LRRC8B: variants seen among roughly 807,000 people sequenced by gnomAD.
LRRC8B encodes leucine rich repeat containing 8 VRAC subunit B, also known as volume-regulated anion channel subunit LRRC8B.
A neutral mutation model predicts 58.8 loss-of-function variants in LRRC8B; 23 were observed. The ratio of observed to expected loss-of-function variants is 0.39; its 90% CI spans 0.28 to 0.55. The LOEUF (loss-of-function observed/expected upper bound fraction) is 0.55. Among genes scored for constraint, LRRC8B ranks in the 20% least tolerant of loss-of-function variants. LRRC8B has a pLI of 0.62. For synonymous variants in LRRC8B, 359 were observed against 374.1 expected, an observed-to-expected ratio of 0.96 and a Z score of 0.47; for missense variants, 694 against 936.0, an observed-to-expected ratio of 0.74 and a Z score of 3.37.
At position 89,583,382 on chromosome 1, in the gene LRRC8B, C is replaced by T. The variant is rs1408694002; in HGVS notation, c.732C>T (p.Phe244=). ...CCATCTTTGAAAAAGTGAAAAGATT[C>T]CGCATGCATGTGGAGCAGAAGGACA... ...AKAIFEKVKR[F]RMHVEQKDII... is the part of the protein sequence containing the mutation. Residue 244 remains phenylalanine (F), a synonymous_variant, in exon 5 of 6, where the codon TTC becomes TTT. Transcript: ENST00000330947. This position sits in a 1 kb window ranked among gnomAD's most constrained non-coding sequence, Gnocchi z 5.2. 1.9e-6 allele frequency: 3 copies of T among 1,614,174 alleles called. No homozygotes were observed. In the East Asian group the frequency reaches 6.7e-5, roughly 36 times the overall value.
At chr1:89,541,067 T>C (rs1181810718) in intron 1 of LRRC8B, among the ~76,000 whole-genome samples, 2 of 152,202 alleles carry the variant, frequency 1.3e-5, no homozygotes, top group African/African-American at 4.8e-5. Flanking sequence ...TTATAGCTTC[T>C]AAACATTTAT....
At chr1:89,559,615 A>AAT (rs1553156608) in intron 1 of LRRC8B, among the ~76,000 whole-genome samples, 1 of 141,382 alleles carries the variant, frequency 7.1e-6, no homozygotes, top group Non-Finnish European at 1.6e-5. Context: ...AAAAAAAAAA[A>AAT]ATATATATAT....
chr1:89,570,696 G>T (rs1653404477), intron 3 of LRRC8B, among the ~76,000 whole-genome samples: 4 of 152,086 alleles, frequency 2.6e-5, no homozygotes, highest in Admixed American at 2.6e-4. Flanking sequence ...TTCTTTTGCT[G>T]TGCAGAAGCT....
At chr1:89,586,246 C>A (rs1216065201) in intron 5 of LRRC8B, among the ~76,000 whole-genome samples, 1 of 152,098 alleles carries the variant, frequency 6.6e-6, no homozygotes, top group African/African-American at 2.4e-5. Flanking sequence ...CTAAGAAGTC[C>A]CCAGGTGGAG....
chr1:89,564,269 G>A (rs566335326), intron 1 of LRRC8B, among the ~76,000 whole-genome samples: 1 of 152,242 alleles, frequency 6.6e-6, no homozygotes, highest in South Asian at 2.1e-4. Flanking sequence ...GCACTTGTTG[G>A]TTCTGTTTCA....
intron 3 of LRRC8B, among the ~76,000 whole-genome samples, chr1:89,573,949 T>C (rs1422296032): frequency 6.6e-6 from 1 of 152,224 alleles, no homozygotes; most frequent in Non-Finnish European, 1.5e-5. Context: ...TTTTGATCAA[T>C]AGAATGTGGC....
chr1:89,565,844 A>G (rs1339749285), intron 1 of LRRC8B, among the ~76,000 whole-genome samples: 1 of 152,172 alleles, frequency 6.6e-6, no homozygotes, highest in African/African-American at 2.4e-5. Context: ...GGTATTCACT[A>G]AATATTTGTT....
At chr1:89,533,387 T>C (rs1252855795) in intron 1 of LRRC8B, among the ~76,000 whole-genome samples, 1 of 152,222 alleles carries the variant, frequency 6.6e-6, no homozygotes, top group Non-Finnish European at 1.5e-5. Context: ...TGTGCAGTCA[T>C]ACCCCCATAC....
intron 3 of LRRC8B, among the ~76,000 whole-genome samples, chr1:89,576,654 G>A (rs1653874668): frequency 6.6e-6 from 1 of 152,150 alleles, no homozygotes. Flanking sequence ...ATCACTTCAT[G>A]TTTTAATAAG....
At chr1:89,542,254 C>T (rs1305821196) in intron 1 of LRRC8B, among the ~76,000 whole-genome samples, 1 of 152,198 alleles carries the variant, frequency 6.6e-6, no homozygotes, top group African/African-American at 2.4e-5. Context: ...GCTCAGTTCT[C>T]ACAGTGGCTC....
At chr1:89,533,275 C>T (rs1344585005) in intron 1 of LRRC8B, among the ~76,000 whole-genome samples, 1 of 152,204 alleles carries the variant, frequency 6.6e-6, no homozygotes, top group African/African-American at 2.4e-5. Flanking sequence ...CATGGTGTGG[C>T]ATGTGAGAAA....
At chr1:89,535,609 C>T (rs565435043) in intron 1 of LRRC8B, among the ~76,000 whole-genome samples, 1 of 152,262 alleles carries the variant, frequency 6.6e-6, no homozygotes, top group South Asian at 2.1e-4. Flanking sequence ...GATTTAATTA[C>T]CGTCATCCAT....
intron 1 of LRRC8B, among the ~76,000 whole-genome samples, chr1:89,543,321 A>G (rs867944275): frequency 2.0e-5 from 3 of 152,238 alleles, no homozygotes; most frequent in Non-Finnish European, 2.9e-5. Context: ...TATTCAAAGT[A>G]ACATAAGTCT....
intron 5 of LRRC8B, 100 bp from the exon 6 acceptor site, chr1:89,592,671 C>A: frequency 9.6e-7 from 1 of 1,036,732 alleles, no homozygotes; most frequent in East Asian, 2.4e-5. Flanking sequence ...TATAAACCTC[C>A]AGAAATGTTT....
At chr1:89,581,685 T>G (rs979726999) in intron 4 of LRRC8B, among the ~76,000 whole-genome samples, 65 of 152,356 alleles carry the variant, frequency 4.3e-4, no homozygotes, top group African/African-American at 1.5e-3. Context: ...AATAATGGAA[T>G]ATGCCTCCAT....
At chr1:89,569,200 A>G (rs1393074210) in intron 3 of LRRC8B, among the ~76,000 whole-genome samples, 1 of 152,186 alleles carries the variant, frequency 6.6e-6, no homozygotes, top group East Asian at 1.9e-4. Flanking sequence ...CACCTACTAC[A>G]TTCTAAACAT....
chr1:89,576,479 G>A (rs1435844404), intron 3 of LRRC8B, among the ~76,000 whole-genome samples: 1 of 152,092 alleles, frequency 6.6e-6, no homozygotes, highest in Non-Finnish European at 1.5e-5. Context: ...TGCCCCAAGA[G>A]GTTCTAAGGT....
intron 5 of LRRC8B, among the ~76,000 whole-genome samples, chr1:89,586,953 A>G (rs1654669436): frequency 1.3e-5 from 2 of 152,200 alleles, no homozygotes; most frequent in African/African-American, 4.8e-5. Flanking sequence ...TGGGAACTAT[A>G]GGTGGCACGG....
In LRRC8B at chr1:89,553,605, A is replaced by T. The variant is rs537721382; in HGVS notation, c.-240-14642A>T. Among the ~76,000 whole-genome samples, 17 of 152,264 alleles carry T rather than the reference A, an allele frequency of 1.1e-4. No individual in the cohort carries two copies. The South Asian group carries it at 2.3e-3, about 20-fold the overall frequency. ...CCTAGTCTAAAAAAGTACAAATCAA[A>T]TTTATTTCTCTTTGGAAAAAGTCAG... On this transcript the variant is annotated intron_variant, in intron 1 of 5. Coordinates refer to ENST00000330947, the MANE Select transcript of LRRC8B (RefSeq NM_001369817.2).
Sources: allele counts gnomAD v4.1 joint callset (sites outside exome capture counted in the v4.1 genomes callset), GRCh38; gene constraint gnomAD v4.1.1; non-coding constraint Gnocchi (gnomAD v3.1); transcripts MANE v1.5; gene names NCBI Gene and HGNC (gene_info 2026-07-23, HGNC 2026-07-21).